The following COL6A5 variants were observed in gnomAD, a reference collection of about 807,000 sequenced individuals.
The protein encoded by COL6A5 is collagen type VI alpha 5 chain.
Under a neutral mutation model 65.6 loss-of-function variants are expected in COL6A5, and 48 were observed. That is an observed-to-expected ratio of 0.73 (90% CI 0.58 to 0.93). The LOEUF (loss-of-function observed/expected upper bound fraction) is 0.93. Ranked by LOEUF, COL6A5 falls within the 40% of genes least tolerant of loss-of-function variation. COL6A5 has a pLI of 0.00. For missense variants in COL6A5, 914 were observed against 928.3 expected (o/e 0.98, Z 0.20); for synonymous variants, 291 against 322.8 (o/e 0.90, Z 1.05).
chr3:130,468,060 C>T (rs975081819), intron 5 of COL6A5, among the ~76,000 whole-genome samples: 4 of 151,898 alleles, frequency 2.6e-5, no homozygotes, highest in South Asian at 2.1e-4. Flanking sequence ...AAGCTTGGCT[C>T]GGAATGTAAA....
At chr3:130,345,689 T>C (rs1016514179) in exon 1 of COL6A5, 6 of 398,526 alleles carry the variant, frequency 1.5e-5, no homozygotes, top group African/African-American at 1.0e-4. Context: ...CATTAAAACT[T>C]GTGAAGAGTT....
exon 3 of COL6A5, chr3:130,376,804 A>G: frequency 6.2e-7 from 1 of 1,613,340 alleles, no homozygotes; most frequent in Admixed American, 1.7e-5. Flanking sequence ...GTAACCAAGT[A>G]TAAGGAGGGA....
chr3:130,443,037 T>C (rs143351112), intron 3 of COL6A5, among the ~76,000 whole-genome samples: 214 of 152,300 alleles, frequency 1.4e-3, no homozygotes, highest in Non-Finnish European at 2.6e-3. Context: ...CTTTTCCTCA[T>C]AGGAATCAGT....
At chr3:130,482,456 T>A (rs1165107094) in intron 7 of COL6A5, among the ~76,000 whole-genome samples, 1 of 152,198 alleles carries the variant, frequency 6.6e-6, no homozygotes, top group Non-Finnish European at 1.5e-5. Context: ...AGCCTTGTAG[T>A]ATAGTTTGAA....
chr3:130,462,370 C>T (rs1709721900), intron 5 of COL6A5, among the ~76,000 whole-genome samples: 1 of 152,136 alleles, frequency 6.6e-6, no homozygotes, highest in Non-Finnish European at 1.5e-5. Context: ...AGCATCTGTA[C>T]ACTTGTGCAT....
chr3:130,441,303 G>A (rs921578034), intron 3 of COL6A5, among the ~76,000 whole-genome samples: 3 of 152,214 alleles, frequency 2.0e-5, no homozygotes, highest in African/African-American at 4.8e-5. Context: ...GGATATCTAG[G>A]GTGAAGCCTG....
chr3:130,462,151 C>T (rs1438234203), intron 5 of COL6A5, among the ~76,000 whole-genome samples: 6 of 152,024 alleles, frequency 3.9e-5, no homozygotes, highest in African/African-American at 1.4e-4. Context: ...GGCATAAAAT[C>T]GATGACATCC....
At chr3:130,414,103 T>C (rs747444551) in exon 22 of COL6A5, 1 of 1,550,884 alleles carries the variant, frequency 6.4e-7, no homozygotes, top group Non-Finnish European at 8.7e-7. Flanking sequence ...ACAGGCACAT[T>C]GGGAGCTGAA....
chr3:130,420,255 C>T (rs531042425), intron 25 of COL6A5, among the ~76,000 whole-genome samples: 1 of 151,860 alleles, frequency 6.6e-6, no homozygotes, highest in Non-Finnish European at 1.5e-5. Context: ...TACTTATAAT[C>T]CACCATTTTG....
exon 19 of COL6A5, chr3:130,410,024 A>G (rs1937121873): frequency 1.9e-6 from 3 of 1,549,288 alleles, no homozygotes; most frequent in Non-Finnish European, 2.6e-6. Context: ...TCCAGGACAA[A>G]ACAATAACAT....
intron 1 of COL6A5, among the ~76,000 whole-genome samples, chr3:130,358,105 CG>C (rs1934985900): frequency 6.6e-6 from 1 of 151,992 alleles, no homozygotes. Flanking sequence ...AGGAGAATGG[CG>C]TGAACCTGGG....
At chr3:130,455,007 G>A (rs945427713) in intron 4 of COL6A5, among the ~76,000 whole-genome samples, 2 of 152,006 alleles carry the variant, frequency 1.3e-5, no homozygotes, top group Admixed American at 6.6e-5. Context: ...CAGCATGGTG[G>A]CATGCATCTT....
chr3:130,468,281 CA>C (rs1404674672), intron 5 of COL6A5, among the ~76,000 whole-genome samples: 2 of 151,916 alleles, frequency 1.3e-5, no homozygotes, highest in African/African-American at 4.8e-5. Flanking sequence ...ATTTAGATTC[CA>C]AAATCAGCAC....
At position 130,379,400 on chromosome 3, in the gene COL6A5, C is replaced by G; in HGVS notation, c.668-18C>G. The G allele has an allele frequency of 6.5e-7, 1 of 1,541,858 alleles. No individual in the cohort carries two copies. Among genetic ancestry groups the G allele is most frequent in the South Asian group, 1.2e-5 (1 of 82,302 alleles). On this transcript the variant is annotated intron_variant and NMD_transcript_variant, in intron 3 of 41. Coordinates refer to the COL6A5 transcript ENST00000312481. ...CCAGTGGTTTATACTAATCCTCACA[C>G]ATTTTCTGTCTGCATAGTTCACTTC...
Position 130,424,438 on chromosome 3 carries a change from T to C in COL6A5, c.5163+538T>C, listed in dbSNP as rs75613912. ...CACTGACGAAATAGCCATCTCTCTA[T>C]TTTAGTGCCTCCCAGGTTGTTGTAA... On this transcript the variant is annotated intron_variant and NMD_transcript_variant, in intron 29 of 41. Coordinates refer to the COL6A5 transcript ENST00000312481. Among the ~76,000 whole-genome samples the C allele has an allele frequency of 9.9e-3, 1,505 of 152,180 alleles. 18 individuals carry two copies. Among genetic ancestry groups the C allele is most frequent in the African/African-American group, 0.034 (1,417 of 41,550 alleles).
At chr3:130,397,976 A>C in intron 9 of COL6A5, 53 bp downstream of exon 9, 1 of 1,543,940 alleles carries the variant, frequency 6.5e-7, no homozygotes, top group Non-Finnish European at 8.8e-7. Context: ...TTTGTTCTTC[A>C]TTCCCCAATT....
intron 29 of COL6A5, 143 bp from the exon 30 acceptor site, chr3:130,426,071 C>A: frequency 1.4e-6 from 1 of 729,010 alleles, no homozygotes; most frequent in Non-Finnish European, 2.3e-6. Context: ...GCAATTAATC[C>A]ACTGGGTTCA....
At chr3:130,472,282 A>T (rs1307036644) in intron 7 of COL6A5, among the ~76,000 whole-genome samples, 2 of 151,962 alleles carry the variant, frequency 1.3e-5, no homozygotes, top group Non-Finnish European at 2.9e-5. Context: ...CAGAGTTTTA[A>T]TACTCGAGAT....
chr3:130,464,330 A>T (rs1159518166), intron 5 of COL6A5, among the ~76,000 whole-genome samples: 1 of 151,740 alleles, frequency 6.6e-6, no homozygotes, highest in Non-Finnish European at 1.5e-5. Context: ...AGATGAGTCC[A>T]CTATGTTGCC....
Sources: allele counts gnomAD v4.1 joint callset (sites outside exome capture counted in the v4.1 genomes callset), GRCh38; gene constraint gnomAD v4.1.1; transcripts MANE v1.5; gene names NCBI Gene and HGNC (gene_info 2026-07-23, HGNC 2026-07-21).